The following ERC1 variants were observed in gnomAD, a reference collection of about 807,000 sequenced individuals.
ERC1 encodes the protein RAB6 interacting protein 2.
A neutral mutation model predicts 132.0 loss-of-function variants in ERC1; 56 were observed. That is an observed-to-expected ratio of 0.42 (90% CI 0.34 to 0.53). The LOEUF (loss-of-function observed/expected upper bound fraction) is 0.53. Among genes scored for constraint, ERC1 ranks in the 20% least tolerant of loss-of-function variants. ERC1 has a pLI of 0.03. For synonymous variants in ERC1, 478 were observed against 476.1 expected (o/e 1.00, Z -0.05); for missense variants, 1,202 against 1,349.9 (o/e 0.89, Z 1.72).
chr12:1,175,190 T>A (rs190388789), intron 8 of ERC1, among the ~76,000 whole-genome samples: 1 of 152,274 alleles, frequency 6.6e-6, no homozygotes, highest in East Asian at 1.9e-4. Flanking sequence ...ATCAGGGTGG[T>A]AGTTGCTGAA....
At chr12:1,370,205 T>A (rs2087065274) in intron 15 of ERC1, among the ~76,000 whole-genome samples, 1 of 152,276 alleles carries the variant, frequency 6.6e-6, no homozygotes, top group Admixed American at 6.5e-5. Flanking sequence ...AACTAATTGT[T>A]CACCAACTCC....
chr12:1,021,240 C>A (rs550185458), intron 1 of ERC1, among the ~76,000 whole-genome samples: 3 of 152,160 alleles, frequency 2.0e-5, no homozygotes, highest in Admixed American at 6.5e-5. Flanking sequence ...TGCATCCAGC[C>A]GAGACTCTTA....
intron 15 of ERC1, among the ~76,000 whole-genome samples, chr12:1,292,110 C>G (rs1478596162): frequency 6.6e-6 from 1 of 152,156 alleles, no homozygotes; most frequent in Non-Finnish European, 1.5e-5. Context: ...TGAACTAGTT[C>G]ATTCGACACT....
chr12:1,448,658 C>T (rs1592131999), intron 18 of ERC1, among the ~76,000 whole-genome samples: 1 of 152,250 alleles, frequency 6.6e-6, no homozygotes, highest in Non-Finnish European at 1.5e-5. Context: ...CTCATATCTC[C>T]AATGCATTTC....
intron 1 of ERC1, among the ~76,000 whole-genome samples, chr12:1,000,392 A>G (rs753919562): frequency 2.6e-5 from 4 of 151,456 alleles, no homozygotes; most frequent in Non-Finnish European, 5.9e-5. Flanking sequence ...AGGCTGAGGC[A>G]TGAGAATTCC....
At chr12:1,187,054 C>T (rs929260757) in intron 11 of ERC1, among the ~76,000 whole-genome samples, 1 of 152,194 alleles carries the variant, frequency 6.6e-6, no homozygotes, top group Admixed American at 6.5e-5. Flanking sequence ...TGGTCTTAAA[C>T]TCCTTGCCTC....
intron 7 of ERC1, among the ~76,000 whole-genome samples, chr12:1,134,524 T>C (rs77521070): frequency 0.029 from 4,457 of 151,350 alleles, 71 homozygotes; most frequent in East Asian, 0.079. Context: ...TTAAAAAAAA[T>C]TTTTTTTTGT....
intron 14 of ERC1, among the ~76,000 whole-genome samples, chr12:1,269,753 C>G (rs1033848060): frequency 3.3e-5 from 5 of 152,162 alleles, no homozygotes; most frequent in African/African-American, 9.7e-5. Flanking sequence ...CTCTCAGCCT[C>G]TAAACATACG....
chr12:1,270,546 G>T (rs1361118175), intron 14 of ERC1, among the ~76,000 whole-genome samples: 2 of 151,668 alleles, frequency 1.3e-5, no homozygotes, highest in East Asian at 3.9e-4. Context: ...TATTAACAAG[G>T]GGTATCTAAA....
At chr12:1,390,803 A>G (rs1013884928) in intron 16 of ERC1, 15 of 152,198 alleles carry the variant, frequency 9.9e-5, no homozygotes, top group African/African-American at 3.1e-4. Context: ...GATTGAGTTG[A>G]GGTCTGATTA....
chr12:1,315,074 G>A (rs1239254857), intron 15 of ERC1, among the ~76,000 whole-genome samples: 2 of 151,848 alleles, frequency 1.3e-5, no homozygotes, highest in Non-Finnish European at 2.9e-5. Context: ...ATTGAGAATG[G>A]AGTCTCACTC....
chr12:1,248,235 G>A (rs2076272256), intron 13 of ERC1, among the ~76,000 whole-genome samples: 1 of 152,160 alleles, frequency 6.6e-6, no homozygotes, highest in African/African-American at 2.4e-5. Context: ...TGCTTTCTAA[G>A]TGTCAGGCAC....
At chr12:1,435,762 G>A (rs1244426806) in intron 17 of ERC1, among the ~76,000 whole-genome samples, 4 of 152,118 alleles carry the variant, frequency 2.6e-5, no homozygotes, top group African/African-American at 9.7e-5. Context: ...CAGTTTTCTG[G>A]CTGTTTCCGA....
chr12:1,452,494 G>A (rs2093446485), intron 18 of ERC1, among the ~76,000 whole-genome samples: 1 of 151,966 alleles, frequency 6.6e-6, no homozygotes, highest in Admixed American at 6.6e-5. Flanking sequence ...ATTAATTTTG[G>A]AAAATTCTTG....
intron 12 of ERC1, among the ~76,000 whole-genome samples, chr12:1,195,880 C>A (rs1408266830): frequency 3.5e-5 from 5 of 142,444 alleles, no homozygotes; most frequent in Non-Finnish European, 6.1e-5. Context: ...TTTCCGCCCC[C>A]CCCCCCCTTT....
chr12:1,131,909 C>G (rs973950429), intron 7 of ERC1, among the ~76,000 whole-genome samples: 3 of 152,188 alleles, frequency 2.0e-5, no homozygotes, highest in African/African-American at 7.2e-5. Context: ...TACAGACAAA[C>G]TTGGCAAGTT....
chr12:1,043,200 C>T (rs549629073), intron 2 of ERC1, among the ~76,000 whole-genome samples: 2 of 151,952 alleles, frequency 1.3e-5, no homozygotes, highest in South Asian at 2.1e-4. Context: ...CCTGCTACCA[C>T]GCCTGGCTAA....
intron 7 of ERC1, among the ~76,000 whole-genome samples, chr12:1,116,643 C>T (rs1219603245): frequency 8.0e-5 from 12 of 150,374 alleles, no homozygotes; most frequent in Non-Finnish European, 1.6e-4. Context: ...CTTGGCTTGG[C>T]GTGATCTTGG....
intron 17 of ERC1, among the ~76,000 whole-genome samples, chr12:1,441,994 C>G (rs2093168363): frequency 6.6e-6 from 1 of 152,172 alleles, no homozygotes; most frequent in African/African-American, 2.4e-5. Flanking sequence ...GTGGTGTGAT[C>G]TCTGCTCACT....
Sources: allele counts gnomAD v4.1 joint callset (sites outside exome capture counted in the v4.1 genomes callset), GRCh38; gene constraint gnomAD v4.1.1; transcripts MANE v1.5; gene names NCBI Gene and HGNC (gene_info 2026-07-23, HGNC 2026-07-21).